Variants in KIAA1217 observed in about 807,000 individuals in gnomAD.
The protein encoded by KIAA1217 is KIAA1217.
A neutral mutation model predicts 163.9 loss-of-function variants in KIAA1217; 88 were observed. The observed-to-expected ratio is 0.54, with a 90% CI of 0.45 to 0.64. The LOEUF (loss-of-function observed/expected upper bound fraction) is 0.64. Ranked by LOEUF, KIAA1217 falls within the 30% of genes least tolerant of loss-of-function variation. The pLI is 0.00. For synonymous variants in KIAA1217, 903 were observed against 923.1 expected (o/e 0.98, Z 0.39); for missense variants, 2,372 against 2,475.0 (o/e 0.96, Z 0.88).
At chr10:23,753,683 T>A (rs1031548971) in intron 1 of KIAA1217, among the ~76,000 whole-genome samples, 8 of 152,224 alleles carry the variant, frequency 5.3e-5, no homozygotes, top group Non-Finnish European at 1.0e-4. Context: ...GGGGTCTATT[T>A]GATAATAAGC....
intron 2 of KIAA1217, among the ~76,000 whole-genome samples, chr10:24,109,323 A>C (rs142543294): frequency 3.9e-5 from 6 of 152,136 alleles, no homozygotes; most frequent in African/African-American, 1.4e-4. Context: ...TTAAATTGGG[A>C]TAACTATCTT....
chr10:24,227,081 G>A (rs543812438), intron 2 of KIAA1217, among the ~76,000 whole-genome samples: 4 of 152,112 alleles, frequency 2.6e-5, no homozygotes, highest in East Asian at 1.9e-4. Context: ...TAAAAGAAAC[G>A]AATAATACAT....
At position 24,501,418 on chromosome 10, in the gene KIAA1217, T is replaced by C. The variant is rs368560397; in HGVS notation, c.1874T>C (p.Leu625Pro). The C allele has an allele frequency of 3.1e-6, 5 of 1,613,930 alleles. No individual in the cohort carries two copies. The African/African-American group carries it at 4.0e-5, about 13-fold the overall frequency. ...TCTGGTGGGAAGATGCTCAGTGCTC[T>C]GGAGTCCACGGTGCCTCCCAGCCAG... ...HVSGGKMLSA[L>P]ESTVPPSQPP... Residue 625 changes from leucine (L) to proline (P), a missense_variant, in exon 9 of 21, where the codon CTG (leucine) becomes CCG (proline). By Grantham distance (98) the Leu-to-Pro change is moderately conservative. Transcript: ENST00000376454.
chr10:23,737,697 G>T (rs912755395), intron 1 of KIAA1217, among the ~76,000 whole-genome samples: 2 of 151,924 alleles, frequency 1.3e-5, no homozygotes, highest in Admixed American at 6.6e-5. Flanking sequence ...TTTTCATTCT[G>T]TTACTGTATC....
chr10:24,477,188 C>T (rs946189858), intron 6 of KIAA1217, among the ~76,000 whole-genome samples: 4 of 152,152 alleles, frequency 2.6e-5, no homozygotes, highest in African/African-American at 9.7e-5. Flanking sequence ...ATGTAGCATT[C>T]CTGGGGAATG....
intron 1 of KIAA1217, among the ~76,000 whole-genome samples, chr10:23,971,162 G>A (rs909984739): frequency 1.6e-4 from 25 of 152,334 alleles, no homozygotes; most frequent in Middle Eastern, 3.4e-3. Context: ...CCGCCCTTGG[G>A]AGGGGCCGCG....
chr10:24,343,108 A>ATTCTGCATTGCCTTTATCC (rs1254414670), intron 2 of KIAA1217, among the ~76,000 whole-genome samples: 6 of 152,174 alleles, frequency 3.9e-5, no homozygotes, highest in African/African-American at 1.2e-4. Context: ...ATTTCTTACG[A>ATTCTGCATTGCCTTTATCC]AGGCAAAGCT....
intron 2 of KIAA1217, among the ~76,000 whole-genome samples, chr10:24,156,473 A>G (rs562139288): frequency 2.0e-5 from 3 of 152,300 alleles, no homozygotes; most frequent in South Asian, 4.1e-4. Flanking sequence ...TGTATTAACC[A>G]TGTGTTTCTG....
At chr10:24,467,608 A>G (rs1373730170) in intron 5 of KIAA1217, among the ~76,000 whole-genome samples, 2 of 152,198 alleles carry the variant, frequency 1.3e-5, no homozygotes, top group African/African-American at 4.8e-5. Flanking sequence ...GTAAAATGAA[A>G]TTGTTTAAAG....
intron 2 of KIAA1217, among the ~76,000 whole-genome samples, chr10:24,359,060 CTTTTCTTTTCTTTCTTTCTTTCTTTT>C (rs1564533199): frequency 1.4e-5 from 2 of 139,760 alleles, no homozygotes; most frequent in Non-Finnish European, 3.1e-5. Context: ...TTTCTTTTTT[CTTTTCTTTTCTTTCTTTCTTTCTTTT>C]TTTTTTTTTT....
intron 2 of KIAA1217, among the ~76,000 whole-genome samples, chr10:24,341,543 C>A (rs928855095): frequency 6.6e-6 from 1 of 152,134 alleles, no homozygotes; most frequent in Non-Finnish European, 1.5e-5. Context: ...TCTATTTGAG[C>A]CCAACATTCC....
At chr10:23,840,532 G>T (rs1190186087) in intron 1 of KIAA1217, among the ~76,000 whole-genome samples, 7 of 152,020 alleles carry the variant, frequency 4.6e-5, no homozygotes, top group Non-Finnish European at 1.0e-4. Flanking sequence ...ACCACTAATG[G>T]TCCTTCAACT....
At chr10:23,987,173 C>A (rs1310633532) in intron 1 of KIAA1217, among the ~76,000 whole-genome samples, 1 of 151,840 alleles carries the variant, frequency 6.6e-6, no homozygotes, top group Non-Finnish European at 1.5e-5. Flanking sequence ...GTCAGGAGAT[C>A]GAGACCATCC....
intron 5 of KIAA1217, among the ~76,000 whole-genome samples, chr10:24,456,938 A>G (rs953359617): frequency 6.6e-6 from 1 of 151,730 alleles, no homozygotes; most frequent in Non-Finnish European, 1.5e-5. Flanking sequence ...CTAACCTCAA[A>G]TGATCCACCT....
chr10:24,373,423 G>A (rs1195813916), intron 2 of KIAA1217, among the ~76,000 whole-genome samples: 1 of 152,100 alleles, frequency 6.6e-6, no homozygotes, highest in African/African-American at 2.4e-5. Flanking sequence ...CCCAATTTAG[G>A]GAGAGAGTCT....
At chr10:23,876,260 G>T (rs1468710169) in intron 1 of KIAA1217, among the ~76,000 whole-genome samples, 3 of 151,722 alleles carry the variant, frequency 2.0e-5, no homozygotes, top group Non-Finnish European at 2.9e-5. Context: ...GTTCTCACCT[G>T]TAAGTGGGAG....
At chr10:24,412,248 A>G (rs2057851956) in intron 3 of KIAA1217, among the ~76,000 whole-genome samples, 1 of 152,068 alleles carries the variant, frequency 6.6e-6, no homozygotes, top group Non-Finnish European at 1.5e-5. Context: ...CATTCGAGCC[A>G]TGTCTCATCT....
chr10:24,381,051 G>A lies in KIAA1217; in HGVS notation c.537G>A (p.Thr179=), dbSNP rs777339166. The A allele has an allele frequency of 1.5e-5, 24 of 1,566,984 alleles. No individual in the cohort carries two copies. Among genetic ancestry groups the A allele is most frequent in the Admixed American group, 5.7e-5 (3 of 52,446 alleles). ...SLPVVRSTNQ[T]KERSLGVLYL... ...CTGTGGTGAGGTCAACCAACCAGAC[G>A]AAAGAAAGATCTCTGGGTAAGCTTT... The change falls in exon 3 of 21, where the codon ACG becomes ACA. Residue 179 remains threonine, a synonymous_variant. Coordinates refer to ENST00000376454, the MANE Select transcript of KIAA1217 (RefSeq NM_019590.5).
At chr10:24,321,216 GTTCATAGCAGCATTA>G in intron 2 of KIAA1217, among the ~76,000 whole-genome samples, 1 of 151,990 alleles carries the variant, frequency 6.6e-6, no homozygotes, top group Non-Finnish European at 1.5e-5. Flanking sequence ...GTACATCCAC[GTTCATAGCAGCATTA>G]TTCACAATTG....
Sources: allele counts gnomAD v4.1 joint callset (sites outside exome capture counted in the v4.1 genomes callset), GRCh38; gene constraint gnomAD v4.1.1; transcripts MANE v1.5; gene names NCBI Gene and HGNC (gene_info 2026-07-23, HGNC 2026-07-21).